Variants in LIPJ observed in about 807,000 individuals in gnomAD.
LIPJ encodes lipase member J.
Under a neutral mutation model 39.8 loss-of-function variants are expected in LIPJ, and 33 were observed. The observed-to-expected ratio is 0.83, with a 90% CI of 0.63 to 1.11. The LOEUF is 1.11. LIPJ is among the 50% of genes least tolerant of loss of function. LIPJ has a pLI of 0.00. For missense variants in LIPJ, 422 were observed against 427.9 expected, an observed-to-expected ratio of 0.99 and a Z score of 0.12; for synonymous variants, 128 against 139.2, an observed-to-expected ratio of 0.92 and a Z score of 0.57.
intron 8 of LIPJ, among the ~76,000 whole-genome samples, chr10:88,599,722 TAC>T (rs1054125051): frequency 1.3e-5 from 2 of 151,440 alleles, no homozygotes; most frequent in Admixed American, 6.6e-5. Flanking sequence ...TATATATATA[TAC>T]ACATCTTCAA....
the LIPJ span, among the ~76,000 whole-genome samples, chr10:88,613,796 ATATATGTGTGTGTGTGTGTG>A: frequency 1.9e-5 from 1 of 51,538 alleles, no homozygotes; most frequent in Admixed American, 2.0e-4. Flanking sequence ...ATATATATAT[ATATATGTGTGTGTGTGTGTG>A]TATATATATA....
chr10:88,601,887 A>G (rs1409776701), intron 8 of LIPJ, among the ~76,000 whole-genome samples: 3 of 152,148 alleles, frequency 2.0e-5, no homozygotes, highest in Non-Finnish European at 2.9e-5. Context: ...TCTTGTGGAA[A>G]TAAAACTTGC....
intron 9 of LIPJ, among the ~76,000 whole-genome samples, chr10:88,603,519 A>G (rs540173451): frequency 6.6e-6 from 1 of 152,324 alleles, no homozygotes; most frequent in East Asian, 1.9e-4. Context: ...CCAGGATAAC[A>G]TAGTAGAAAG....
At chr10:88,597,014 C>T in intron 8 of LIPJ, 78 bp downstream of exon 8, 1 of 826,248 alleles carries the variant, frequency 1.2e-6, no homozygotes, top group Non-Finnish European at 1.8e-6. Context: ...TTGTGTTATA[C>T]CTTGTGTCAT....
chr10:88,583,899 C>G (rs549338257), upstream of LIPJ: 5 of 188,212 alleles, frequency 2.7e-5, no homozygotes, highest in Non-Finnish European at 5.0e-5. Context: ...TCCGTATGTT[C>G]TAAGGAATAT....
rs1485037322 is a variant in LIPJ at position 88,606,906 on chromosome 10, A to G, written c.1100A>G (p.Ter367=). The change falls in exon 11 of 11, where the codon TAA becomes TGA. Residue 367 remains the stop codon, a stop_retained_variant. Coordinates refer to ENST00000371939, the Ensembl canonical transcript of LIPJ. ...ATTGATATTATCCAAGACAATCTAT[A>G]AAGAACCATGGCGCTGTGTGTTTAA... 3.9e-6 allele frequency: 6 copies of G among 1,527,182 alleles called. No homozygotes were observed. In the South Asian group the frequency reaches 7.8e-5, roughly 20 times the overall value. The allele number at this position is 1,527,182 out of a possible 1,614,324, so 94.6% of individuals were successfully genotyped here.
the LIPJ span, among the ~76,000 whole-genome samples, chr10:88,613,357 G>C: frequency 1.3e-5 from 2 of 152,066 alleles, no homozygotes; most frequent in African/African-American, 4.8e-5. Context: ...CAGTGCTTAT[G>C]TCAGATCACA....
chr10:88,597,156 G>A (rs576017694), intron 8 of LIPJ, among the ~76,000 whole-genome samples: 2 of 151,800 alleles, frequency 1.3e-5, no homozygotes, highest in African/African-American at 4.8e-5. Context: ...CTTGCTGTCT[G>A]TAAATATTCG....
chr10:88,613,758 A>G, the LIPJ span, among the ~76,000 whole-genome samples: 7 of 81,334 alleles, frequency 8.6e-5, no homozygotes, highest in Admixed American at 1.6e-4. Context: ...ATATATATAT[A>G]TATGTGTGTG....
the LIPJ span, among the ~76,000 whole-genome samples, chr10:88,614,837 G>C: frequency 6.6e-6 from 1 of 152,032 alleles, no homozygotes; most frequent in Non-Finnish European, 1.5e-5. Flanking sequence ...TTTTTGCAAG[G>C]ATAGAAAAAT....
chr10:88,609,683 G>C (rs1010255998), downstream of LIPJ, among the ~76,000 whole-genome samples: 1 of 152,040 alleles, frequency 6.6e-6, no homozygotes, highest in Non-Finnish European at 1.5e-5. Flanking sequence ...GGTGGATCAC[G>C]AGGTCAAGAG....
At chr10:88,606,942 C>A (rs1851688799) in exon 11 of LIPJ, 1 of 1,417,770 alleles carries the variant, frequency 7.1e-7, no homozygotes. Context: ...AGATCTACAT[C>A]ATTCCTAATG....
chr10:88,615,145 A>G, the LIPJ span, among the ~76,000 whole-genome samples: 1 of 152,226 alleles, frequency 6.6e-6, no homozygotes, highest in South Asian at 2.1e-4. Flanking sequence ...GCATGATCCT[A>G]AAGGAAAAGG....
At chr10:88,601,031 T>C (rs1472655036) in intron 8 of LIPJ, among the ~76,000 whole-genome samples, 1 of 152,022 alleles carries the variant, frequency 6.6e-6, no homozygotes, top group Non-Finnish European at 1.5e-5. Flanking sequence ...TCACTGCAAC[T>C]TCTGCCTCCC....
chr10:88,617,466 G>A, the LIPJ span, among the ~76,000 whole-genome samples: 3 of 152,104 alleles, frequency 2.0e-5, no homozygotes, highest in Non-Finnish European at 4.4e-5. Flanking sequence ...TCCTTTGACT[G>A]CATTATTTGT....
chr10:88,617,152 C>T, the LIPJ span, among the ~76,000 whole-genome samples: 12 of 152,144 alleles, frequency 7.9e-5, 1 homozygote, highest in African/African-American at 2.2e-4. Context: ...AACATGCTCT[C>T]GGGACAAGAC....
At chr10:88,590,501 C>T (rs1590074590) in intron 2 of LIPJ, 84 bp from the exon 3 acceptor site, 3 of 492,184 alleles carry the variant, frequency 6.1e-6, no homozygotes, top group East Asian at 7.5e-5. Flanking sequence ...TATTTCCTAC[C>T]TCATAGAATT....
At chr10:88,605,814 G>C in intron 10 of LIPJ, 110 bp downstream of exon 10, 1 of 675,316 alleles carries the variant, frequency 1.5e-6, no homozygotes, top group South Asian at 1.7e-5. Context: ...CACTGATTAA[G>C]GACCAGCAGA....
intron 9 of LIPJ, among the ~76,000 whole-genome samples, chr10:88,605,374 C>T (rs375076293): frequency 6.6e-6 from 1 of 152,094 alleles, no homozygotes; most frequent in African/African-American, 2.4e-5. Flanking sequence ...AAGAGGCCCC[C>T]CTCTGGGTAG....
Sources: gnomAD v4.1 joint callset for allele counts (sites outside exome capture counted in the v4.1 genomes callset) on GRCh38, gnomAD v4.1.1 for gene constraint, MANE v1.5 for transcripts, NCBI Gene and HGNC (gene_info 2026-07-23, HGNC 2026-07-21) for gene names.